The following DCAF8L2 variants were observed in gnomAD, a reference collection of about 807,000 sequenced individuals.
DCAF8L2 encodes the protein DDB1- and CUL4-associated factor 8-like protein 2.
For missense variants in DCAF8L2, 430 were observed against 490.7 expected (o/e 0.88, Z 1.17); for synonymous variants, 200 against 190.9 (o/e 1.05, Z -0.39).
chrX:27,654,961 C>CAGGT (rs1315991084), intron 2 of DCAF8L2, among the ~76,000 whole-genome samples: 2 of 110,817 alleles, frequency 1.8e-5, no homozygotes, highest in Non-Finnish European at 3.8e-5. Flanking sequence ...AGAAACTAGG[C>CAGGT]AGGTAGATAA....
intron 1 of DCAF8L2, among the ~76,000 whole-genome samples, chrX:27,630,267 A>G (rs1434481545): frequency 9.0e-6 from 1 of 111,698 alleles, no homozygotes; most frequent in East Asian, 2.8e-4. Context: ...CTTCTTTATT[A>G]TTAGGATTAT....
At chrX:27,547,875 CTCTCTCTCTCTCTCTT>C in the DCAF8L2 span, among the ~76,000 whole-genome samples, 21 of 62,567 alleles carry the variant, frequency 3.4e-4, no homozygotes, top group Admixed American at 9.5e-4. Context: ...CTCTCTTTCT[CTCTCTCTCTCTCTCTT>C]TCTCTCTCTC....
At chrX:27,604,557 CTG>C (rs1292877535) in intron 1 of DCAF8L2, among the ~76,000 whole-genome samples, 2 of 111,314 alleles carry the variant, frequency 1.8e-5, no homozygotes, top group Non-Finnish European at 3.8e-5. Flanking sequence ...TGCAGAAACT[CTG>C]TAAATATCTT....
chrX:27,657,207 C>G (rs1412262726), intron 2 of DCAF8L2, among the ~76,000 whole-genome samples: 1 of 110,900 alleles, frequency 9.0e-6, no homozygotes, highest in African/African-American at 3.3e-5. Context: ...ACCAATATAT[C>G]CTATTAGTTT....
intron 3 of DCAF8L2, among the ~76,000 whole-genome samples, chrX:27,697,844 G>C (rs983246740): frequency 1.8e-5 from 2 of 110,106 alleles, no homozygotes; most frequent in Non-Finnish European, 3.8e-5. Flanking sequence ...CAAAGTAAAT[G>C]AAGGAAAGGG....
chrX:27,479,211 C>A, the DCAF8L2 span, among the ~76,000 whole-genome samples: 1 of 110,975 alleles, frequency 9.0e-6, no homozygotes, highest in Non-Finnish European at 1.9e-5. Context: ...CAACAAGAAA[C>A]AGGCCCTCAG....
At chrX:27,592,803 T>TG (rs1275911990) in intron 1 of DCAF8L2, among the ~76,000 whole-genome samples, 1 of 88,232 alleles carries the variant, frequency 1.1e-5, no homozygotes, top group African/African-American at 5.1e-5. Context: ...CATCTCAACC[T>TG]TTTTTTTTTT....
chrX:27,676,114 A>G (rs1298646806), intron 2 of DCAF8L2, among the ~76,000 whole-genome samples: 2 of 111,620 alleles, frequency 1.8e-5, no homozygotes, highest in African/African-American at 3.3e-5. Flanking sequence ...TCCCAAGCCC[A>G]GAGCAATCAG....
At chrX:27,555,154 C>A in the DCAF8L2 span, among the ~76,000 whole-genome samples, 16 of 111,616 alleles carry the variant, frequency 1.4e-4, no homozygotes, top group South Asian at 1.9e-3. Flanking sequence ...TGTAACTGGG[C>A]ATTCACTTTG....
intron 4 of DCAF8L2, among the ~76,000 whole-genome samples, chrX:27,725,645 A>T (rs1353070363): frequency 1.8e-5 from 2 of 110,511 alleles, no homozygotes; most frequent in Non-Finnish European, 3.8e-5. Flanking sequence ...AAAGATAAAT[A>T]TTATAAATTG....
chrX:27,711,398 CGTGTGT>C (rs10574517), intron 3 of DCAF8L2, among the ~76,000 whole-genome samples: 5,147 of 94,926 alleles, frequency 0.054, 345 homozygotes, highest in African/African-American at 0.18. Flanking sequence ...TGTGTGTGTA[CGTGTGT>C]GTGTGTGTGT....
chrX:27,502,195 C>T, the DCAF8L2 span, among the ~76,000 whole-genome samples: 3 of 102,044 alleles, frequency 2.9e-5, no homozygotes, highest in Non-Finnish European at 6.0e-5. Flanking sequence ...GTGGCAGGCA[C>T]CTGTAATCCC....
chrX:27,680,624 T>C (rs1290094900), intron 3 of DCAF8L2, among the ~76,000 whole-genome samples: 1 of 111,361 alleles, frequency 9.0e-6, no homozygotes, highest in East Asian at 2.8e-4. Flanking sequence ...CCAATGCCAG[T>C]GTCCAGTTTT....
rs371936208 is a variant in DCAF8L2 at position 27,704,171 on chromosome X, T to C, written c.-142-11917T>C. On this transcript the variant is annotated intron_variant, in intron 3 of 4. Coordinates refer to ENST00000451261, the MANE Select transcript of DCAF8L2 (RefSeq NM_001353450.2). The stretch of plus-strand genomic sequence containing the variant: ...GTGCTGCAGTATATATATATATATA[T>C]ATACATATACACACACACATATGTA... 1.1e-4 allele frequency among the ~76,000 whole-genome samples: 6 copies of C among 56,996 alleles called. 1 individual carries two copies. Among genetic ancestry groups the C allele is most frequent in the African/African-American group, 5.3e-4 (5 of 9,419 alleles). The allele number at this position is 56,996 out of a possible 115,157, so 49.5% of individuals were successfully genotyped here. A position where few individuals can be genotyped will look rare whatever the true frequency, so the allele number is the denominator to read the frequency against.
At chrX:27,544,202 C>T in the DCAF8L2 span, among the ~76,000 whole-genome samples, 1 of 111,608 alleles carries the variant, frequency 9.0e-6, no homozygotes, top group Admixed American at 9.6e-5. Context: ...TCTATAACCT[C>T]TTTTGCCACC....
chrX:27,642,809 T>C (rs780152451), intron 2 of DCAF8L2, among the ~76,000 whole-genome samples: 13 of 112,177 alleles, frequency 1.2e-4, no homozygotes, highest in African/African-American at 3.9e-4. Context: ...ATCAGAACCA[T>C]GTAATCATTT....
At chrX:27,611,602 C>T (rs1239817843) in intron 1 of DCAF8L2, among the ~76,000 whole-genome samples, 1 of 109,032 alleles carries the variant, frequency 9.2e-6, no homozygotes, top group Non-Finnish European at 1.9e-5. Context: ...CGTCCCCCCA[C>T]CCCACGACAG....
chrX:27,540,750 ATGTT>A, the DCAF8L2 span, among the ~76,000 whole-genome samples: 1 of 111,946 alleles, frequency 8.9e-6, no homozygotes, highest in East Asian at 2.8e-4. Context: ...GAAATGATAA[ATGTT>A]TGAGGTGATG....
the DCAF8L2 span, among the ~76,000 whole-genome samples, chrX:27,574,054 T>C: frequency 1.8e-5 from 2 of 110,252 alleles, no homozygotes. Context: ...GATCTTGAAC[T>C]CCTAGCCTCA....
Sources: gnomAD v4.1 joint callset for allele counts (sites outside exome capture counted in the v4.1 genomes callset) on GRCh38, gnomAD v4.1.1 for gene constraint, MANE v1.5 for transcripts, NCBI Gene and HGNC (gene_info 2026-07-23, HGNC 2026-07-21) for gene names.